The following INSR variants were observed in gnomAD, a reference collection of about 807,000 sequenced individuals.
INSR encodes IR.
Under a neutral mutation model 142.6 loss-of-function variants are expected in INSR, and 67 were observed. That is an observed-to-expected ratio of 0.47 (90% CI 0.39 to 0.58). The LOEUF is 0.58. INSR is among the 20% of genes least tolerant of loss of function. The pLI is 0.00. For missense variants in INSR, 1,248 were observed against 1,833.2 expected (o/e 0.68, Z 5.83); for synonymous variants, 756 against 743.1 (o/e 1.02, Z -0.28).
chr19:7,212,031 C>G (rs1975291335), intron 2 of INSR, among the ~76,000 whole-genome samples: 1 of 152,102 alleles, frequency 6.6e-6, no homozygotes, highest in Non-Finnish European at 1.5e-5. Context: ...TGGTGGTATT[C>G]AGAGTCGGAT....
chr19:7,151,458 T>C (rs1480933666), intron 10 of INSR, among the ~76,000 whole-genome samples: 3 of 101,316 alleles, frequency 3.0e-5, no homozygotes, highest in Non-Finnish European at 4.6e-5. Context: ...TTTTTTTTTT[T>C]CCTTTTTTAG....
In INSR at chr19:7,192,845, T is replaced by C. The variant is rs1974638600; in HGVS notation, c.653-8208A>G. ...CACACAGAAGCAACTATCATCTTCCTGAAACTTTCAGCTGCGGTGGCTTTT... is the reference window on the plus strand; with the variant it reads ...CACACAGAAGCAACTATCATCTTCCCGAAACTTTCAGCTGCGGTGGCTTTT... On this transcript the variant is annotated intron_variant, in intron 2 of 21. Transcript: ENST00000302850. This position sits in a 1 kb window ranked among gnomAD's most constrained non-coding sequence, Gnocchi z 4.2. Among the ~76,000 whole-genome samples the C allele has an allele frequency of 6.6e-6, 1 of 152,182 alleles. No homozygotes were observed. Among genetic ancestry groups the C allele is most frequent in the African/African-American group, 2.4e-5 (1 of 41,450 alleles).
intron 19 of INSR, 85 bp from the exon 20 acceptor site, chr19:7,120,834 G>T: frequency 6.4e-7 from 1 of 1,556,530 alleles, no homozygotes; most frequent in Non-Finnish European, 8.8e-7. Flanking sequence ...CTCTCACAGA[G>T]CCCTAAGAGG....
chr19:7,175,235 C>T lies in INSR; in HGVS notation c.975-504G>A, dbSNP rs115614868. On this transcript the variant is annotated intron_variant, in intron 3 of 21. Coordinates refer to ENST00000302850, the MANE Select transcript of INSR (RefSeq NM_000208.4). ...TTGTTAAAAATGTAGATTCTGGAGCCGGGCGTGGTGGCTCCTGCCTGTCAT... is the reference window on the plus strand; with the variant it reads ...TTGTTAAAAATGTAGATTCTGGAGCTGGGCGTGGTGGCTCCTGCCTGTCAT... Among the ~76,000 whole-genome samples the T allele has an allele frequency of 3.7e-3, 557 of 152,128 alleles. 5 individuals are homozygous for T. Among genetic ancestry groups the T allele is most frequent in the African/African-American group, 0.012 (514 of 41,490 alleles).
intron 16 of INSR, among the ~76,000 whole-genome samples, chr19:7,126,287 G>A (rs1201043344): frequency 6.6e-6 from 1 of 152,174 alleles, no homozygotes; most frequent in East Asian, 1.9e-4. Context: ...AGCTACATGG[G>A]TGAAGCCAGG....
Position 7,152,584 on chromosome 19 carries a change from A to C in INSR, c.2231+142T>G, listed in dbSNP as rs916587270. 8.9e-6 allele frequency: 7 copies of C among 783,564 alleles called. No homozygotes were observed. The African/African-American group carries it at 1.2e-4, about 13-fold the overall frequency. 48.5% of individuals were successfully genotyped at this position (783,564 alleles called of 1,614,324 possible). A position where few individuals can be genotyped will look rare whatever the true frequency, so the allele number is the denominator to read the frequency against. On this transcript the variant is annotated intron_variant, in intron 10 of 21. Transcript: ENST00000302850. ...TCGAAACTGCAAGATCTCTTCCTCCACCCAGGAAAGGGCTCCATTCAGACT... is the reference window on the plus strand; with the variant it reads ...TCGAAACTGCAAGATCTCTTCCTCCCCCCAGGAAAGGGCTCCATTCAGACT...
At position 7,293,806 on chromosome 19, in the gene INSR, AG is replaced by A; in HGVS notation, c.85del (p.Leu29CysfsTer36). 7.5e-7 allele frequency: 1 copy of A among 1,337,766 alleles called. No individual in the cohort carries two copies. The highest frequency in any genetic ancestry group is 9.6e-7 in the Non-Finnish European group (1 of 1,038,430). The allele number at this position is 1,337,766 out of a possible 1,614,324, so 82.9% of individuals were successfully genotyped here. A position where few individuals can be genotyped will look rare whatever the true frequency, so the allele number is the denominator to read the frequency against. On this transcript the variant is annotated frameshift_variant, in exon 1 of 22. Coordinates refer to ENST00000302850, the MANE Select transcript of INSR (RefSeq NM_000208.4). LOFTEE classifies it high-confidence loss of function. ...AALLLGAAGH[L>X]YPGEVCPGMD... ...CCCAGACTCACCCTCTCCGGGGTAC[AG>A]GTGGCCCGCGGCGCCCAGTAGCAGC...
chr19:7,207,505 G>C (rs1319310942), intron 2 of INSR, among the ~76,000 whole-genome samples: 2 of 152,058 alleles, frequency 1.3e-5, no homozygotes, highest in African/African-American at 2.4e-5. Flanking sequence ...CCCACACACA[G>C]ACACTAAGAG....
intron 2 of INSR, among the ~76,000 whole-genome samples, chr19:7,248,019 A>G (rs1004385558): frequency 3.3e-5 from 5 of 152,174 alleles, no homozygotes; most frequent in Non-Finnish European, 7.3e-5. Context: ...CAGGACCCAG[A>G]CAGGTGCAGT....
intron 19 of INSR, among the ~76,000 whole-genome samples, chr19:7,121,032 C>T (rs1972479010): frequency 6.6e-6 from 1 of 152,042 alleles, no homozygotes; most frequent in South Asian, 2.1e-4. Flanking sequence ...GAGCCTCACT[C>T]TGTCCTCCAG....
At chr19:7,234,952 G>A (rs1976111290) in intron 2 of INSR, among the ~76,000 whole-genome samples, 1 of 152,020 alleles carries the variant, frequency 6.6e-6, no homozygotes, top group Non-Finnish European at 1.5e-5. Context: ...CAGCTACTTG[G>A]GAGGCTGAGG....
At chr19:7,160,856 G>C (rs1418886426) in intron 9 of INSR, among the ~76,000 whole-genome samples, 1 of 151,558 alleles carries the variant, frequency 6.6e-6, no homozygotes, top group African/African-American at 2.4e-5. Context: ...AAATTAGCCG[G>C]TGTAGTGGCA....
At chr19:7,290,785 A>T (rs1231497677) in intron 1 of INSR, among the ~76,000 whole-genome samples, 1 of 150,482 alleles carries the variant, frequency 6.6e-6, no homozygotes, top group Non-Finnish European at 1.5e-5. Context: ...AAAGAAAAAA[A>T]AAAAGGCCAG....
At chr19:7,196,200 G>C (rs755001559) in intron 2 of INSR, among the ~76,000 whole-genome samples, 79 of 152,150 alleles carry the variant, frequency 5.2e-4, no homozygotes, top group Admixed American at 7.2e-4. Context: ...TTCCCAAAGT[G>C]CTGGGATTAC....
chr19:7,251,424 T>A (rs1243045494), intron 2 of INSR, among the ~76,000 whole-genome samples: 2 of 151,674 alleles, frequency 1.3e-5, no homozygotes, highest in Non-Finnish European at 1.5e-5. Flanking sequence ...GCTCGGCTAA[T>A]TTTTTATTTT....
chr19:7,124,127 G>T (rs1224852052), intron 17 of INSR, among the ~76,000 whole-genome samples: 1 of 151,974 alleles, frequency 6.6e-6, no homozygotes, highest in Non-Finnish European at 1.5e-5. Context: ...ACTTTGGGAG[G>T]CCAAGGCGGG....
Position 7,166,746 on chromosome 19 carries a change from C to A in INSR, c.1611-342G>T, listed in dbSNP as rs1347868585. On this transcript the variant is annotated intron_variant, in intron 7 of 21. Transcript: ENST00000302850. This position sits in a 1 kb window ranked among gnomAD's most constrained non-coding sequence, Gnocchi z 4.1. The stretch of plus-strand genomic sequence containing the variant: ...ACCAGCCTGGCCAACATGGTGAAAC[C>A]CCGTCTCTACTAAAAATACAAAAAT... Among the ~76,000 whole-genome samples, 1 of 151,916 alleles carries A rather than the reference C, an allele frequency of 6.6e-6. No individual in the cohort carries two copies. Among genetic ancestry groups the A allele is most frequent in the Non-Finnish European group, 1.5e-5 (1 of 67,986 alleles).
chr19:7,151,154 CTTTCTTTCTCTTTCTTTCTTTCTTTCTTT>C (rs1973334149), intron 10 of INSR, among the ~76,000 whole-genome samples: 1 of 9,076 alleles, frequency 1.1e-4, no homozygotes, highest in Non-Finnish European at 3.0e-4. Flanking sequence ...TCTTTCCTTT[CTTTCTTTCTCTTTCTTTCTTTCTTTCTTT>C]CTTTCTTTCT....
At chr19:7,248,897 C>T (rs1976619855) in intron 2 of INSR, among the ~76,000 whole-genome samples, 1 of 151,798 alleles carries the variant, frequency 6.6e-6, no homozygotes, top group Non-Finnish European at 1.5e-5. Context: ...GTAGCTGGGA[C>T]TACAGGCATG....
Sources: allele counts gnomAD v4.1 joint callset (sites outside exome capture counted in the v4.1 genomes callset), GRCh38; gene constraint gnomAD v4.1.1; non-coding constraint Gnocchi (gnomAD v3.1); transcripts MANE v1.5; gene names NCBI Gene and HGNC (gene_info 2026-07-23, HGNC 2026-07-21).